Variants in MAGI1 observed in about 807,000 individuals in gnomAD.
MAGI1 encodes the protein membrane-associated guanylate kinase, WW and PDZ domain-containing protein 1.
Under a neutral mutation model 139.9 loss-of-function variants are expected in MAGI1, and 58 were observed. The ratio of observed to expected loss-of-function variants is 0.41; its 90% CI spans 0.34 to 0.52. The LOEUF (loss-of-function observed/expected upper bound fraction) is 0.52, where lower values mean the gene tolerates loss of function less well. Ranked by LOEUF, MAGI1 falls within the 20% of genes least tolerant of loss-of-function variation. The pLI is 0.12. For synonymous variants in MAGI1, 812 were observed against 737.9 expected, an observed-to-expected ratio of 1.10 and a Z score of -1.63; for missense variants, 1,874 against 1,901.6, an observed-to-expected ratio of 0.99 and a Z score of 0.27.
chr3:65,906,638 C>A (rs2108647798), intron 1 of MAGI1, among the ~76,000 whole-genome samples: 1 of 152,268 alleles, frequency 6.6e-6, no homozygotes, highest in East Asian at 1.9e-4. Flanking sequence ...GGAATCCCAG[C>A]ATTTTGGGAG....
intron 1 of MAGI1, among the ~76,000 whole-genome samples, chr3:65,981,002 T>G (rs1427693909): frequency 4.6e-5 from 7 of 151,402 alleles, no homozygotes; most frequent in African/African-American, 7.3e-5. Context: ...CTACTAAAAA[T>G]CCAAAAAAAT....
intron 1 of MAGI1, among the ~76,000 whole-genome samples, chr3:65,778,526 C>A (rs2038668114): frequency 6.6e-6 from 1 of 151,988 alleles, no homozygotes; most frequent in Non-Finnish European, 1.5e-5. Flanking sequence ...CATTCCAAGC[C>A]CCATATAGTG....
intron 2 of MAGI1, among the ~76,000 whole-genome samples, chr3:65,597,506 C>T (rs1185667413): frequency 6.6e-6 from 1 of 151,794 alleles, no homozygotes; most frequent in East Asian, 1.9e-4. Context: ...TTTTTTCTCC[C>T]CCCTCCCCCT....
chr3:65,655,900 T>G (rs1288297624), intron 1 of MAGI1, among the ~76,000 whole-genome samples: 1 of 152,222 alleles, frequency 6.6e-6, no homozygotes, highest in East Asian at 1.9e-4. Flanking sequence ...TTCCACACTT[T>G]GTGTGAGAAG....
At chr3:65,992,180 C>A (rs997110548) in intron 1 of MAGI1, among the ~76,000 whole-genome samples, 2 of 152,096 alleles carry the variant, frequency 1.3e-5, no homozygotes, top group African/African-American at 4.8e-5. Context: ...GTAGGAGAAT[C>A]AGATGAAAAA....
intron 1 of MAGI1, among the ~76,000 whole-genome samples, chr3:65,798,953 G>A (rs1405748561): frequency 1.3e-5 from 2 of 152,038 alleles, no homozygotes; most frequent in Non-Finnish European, 2.9e-5. Context: ...TGAGCAGGTC[G>A]ACTGTCAAAG....
At chr3:65,753,646 G>A (rs978326770) in intron 1 of MAGI1, among the ~76,000 whole-genome samples, 7 of 150,872 alleles carry the variant, frequency 4.6e-5, no homozygotes, top group South Asian at 2.1e-4. Flanking sequence ...ACTTGAGCTC[G>A]GGAGGCAGAG....
At chr3:65,568,162 A>C (rs1477561970) in intron 2 of MAGI1, among the ~76,000 whole-genome samples, 1 of 152,190 alleles carries the variant, frequency 6.6e-6, no homozygotes, top group Non-Finnish European at 1.5e-5. Flanking sequence ...CTCATCATTC[A>C]TTCTTCACAC....
At chr3:65,852,970 C>A (rs2059254483) in intron 1 of MAGI1, among the ~76,000 whole-genome samples, 1 of 107,280 alleles carries the variant, frequency 9.3e-6, no homozygotes. Flanking sequence ...CCCGTATCTA[C>A]TAAAAATACA....
chr3:65,360,923 C>G, intron 22 of MAGI1: 1 of 1,379,420 alleles, frequency 7.2e-7, no homozygotes, highest in Non-Finnish European at 9.4e-7. Context: ...AACATTCCTT[C>G]GCTCTTGGTC....
chr3:65,417,750 G>C (rs1221760739), intron 12 of MAGI1, among the ~76,000 whole-genome samples: 1 of 152,164 alleles, frequency 6.6e-6, no homozygotes, highest in African/African-American at 2.4e-5. Flanking sequence ...AAGGACAGAT[G>C]TAAGAAACAG....
chr3:65,746,293 C>A (rs2035702362), intron 1 of MAGI1, among the ~76,000 whole-genome samples: 1 of 152,166 alleles, frequency 6.6e-6, no homozygotes, highest in African/African-American at 2.4e-5. Context: ...CTTGGCCTTC[C>A]AAAGTGCTGG....
intron 1 of MAGI1, among the ~76,000 whole-genome samples, chr3:65,861,127 G>A (rs919531825): frequency 1.2e-4 from 19 of 152,156 alleles, no homozygotes; most frequent in African/African-American, 4.6e-4. Context: ...AAAAGGATGA[G>A]TGACAGAAAG....
intron 1 of MAGI1, among the ~76,000 whole-genome samples, chr3:65,719,718 G>T (rs1156552516): frequency 1.3e-5 from 2 of 151,858 alleles, no homozygotes; most frequent in Non-Finnish European, 2.9e-5. Context: ...GCTAATTTTT[G>T]TATTTTTTTG....
intron 2 of MAGI1, among the ~76,000 whole-genome samples, chr3:65,529,021 G>A (rs1167512615): frequency 6.6e-6 from 1 of 152,036 alleles, no homozygotes; most frequent in Non-Finnish European, 1.5e-5. Flanking sequence ...ACTCCAGCCT[G>A]GGCAACAGAT....
At chr3:65,669,392 T>C (rs555928621) in intron 1 of MAGI1, among the ~76,000 whole-genome samples, 1 of 152,326 alleles carries the variant, frequency 6.6e-6, no homozygotes, top group East Asian at 1.9e-4. Context: ...AAGGACTCTT[T>C]GGTCAAGTTT....
chr3:65,663,593 G>T (rs1403732938), intron 1 of MAGI1, among the ~76,000 whole-genome samples: 1 of 152,292 alleles, frequency 6.6e-6, no homozygotes, highest in East Asian at 1.9e-4. Flanking sequence ...CATTCAAGAG[G>T]TATCTATTGA....
At chr3:66,024,374 T>C (rs1169524417) in intron 1 of MAGI1, among the ~76,000 whole-genome samples, 2 of 106,728 alleles carry the variant, frequency 1.9e-5, no homozygotes, top group Middle Eastern at 5.9e-3. Context: ...ACCTGAAAAA[T>C]CTACACTAGA....
chr3:65,415,285 G>C (rs984741801), intron 12 of MAGI1, among the ~76,000 whole-genome samples: 1 of 152,142 alleles, frequency 6.6e-6, no homozygotes, highest in Non-Finnish European at 1.5e-5. Flanking sequence ...GTCTGCTTCA[G>C]CCTCTCCTCC....
Sources: gnomAD v4.1 joint callset for allele counts (sites outside exome capture counted in the v4.1 genomes callset) on GRCh38, gnomAD v4.1.1 for gene constraint, MANE v1.5 for transcripts, NCBI Gene and HGNC (gene_info 2026-07-23, HGNC 2026-07-21) for gene names.